Variants in COL20A1 observed in about 807,000 individuals in gnomAD.
The protein encoded by COL20A1 is collagen alpha-1(XX) chain.
A neutral mutation model predicts 152.9 loss-of-function variants in COL20A1; 164 were observed. That is an observed-to-expected ratio of 1.07 (90% CI 0.94 to 1.22). COL20A1 has a LOEUF of 1.22. Among genes scored for constraint, COL20A1 ranks in the 50% most tolerant of loss-of-function variants. COL20A1 has a pLI of 0.00. For synonymous variants in COL20A1, 864 were observed against 756.0 expected (o/e 1.14, Z -2.34); for missense variants, 1,873 against 1,744.8 (o/e 1.07, Z -1.31).
rs892010731 is a variant in COL20A1 at position 63,306,206 on chromosome 20, C to G, written c.496+167C>G. 1.8e-6 allele frequency: 1 copy of G among 553,516 alleles called. No homozygotes were observed. The highest frequency in any genetic ancestry group is 2.1e-5 in the African/African-American group (1 of 47,860). The allele number at this position is 553,516 out of a possible 1,614,324, so 34.3% of individuals were successfully genotyped here. On this transcript the variant is annotated intron_variant, in intron 5 of 35. Transcript: ENST00000358894. This position sits in a 1 kb window ranked among gnomAD's most constrained non-coding sequence, Gnocchi z 6.9. ...TGTCTGACCACACGGTCTCTGACCA[C>G]GAGGCCGGGAAGTTCTTCCTCGTGT...
rs1324416100 is a variant in COL20A1, at chr20:63,306,445, G to A, written c.496+406G>A. Among the ~76,000 whole-genome samples the A allele has an allele frequency of 2.0e-5, 3 of 152,246 alleles. No homozygotes were observed. The highest frequency in any genetic ancestry group is 4.8e-5 in the African/African-American group (2 of 41,466). ...CAGGTTCACTCAAGCCAGGCCACTG[G>A]GAGCAGGTGGTCCCACTACCTCTGA... On this transcript the variant is annotated intron_variant, in intron 5 of 35. Transcript: ENST00000358894. The surrounding 1 kb of genome is among the most constrained non-coding windows in gnomAD (Gnocchi z 6.9).
In COL20A1 at chr20:63,323,257, C is replaced by T. The variant is rs183534634; in HGVS notation, c.3294+1146C>T. Among the ~76,000 whole-genome samples the T allele has an allele frequency of 3.3e-4, 50 of 152,364 alleles. No homozygotes were observed. The East Asian group carries it at 7.7e-3, about 23-fold the overall frequency. Reference sequence around the variant, plus strand: ...CACGCTTTTTACTTGCTGGAACCAGCCCTGTGTCTGTGATGTGAGTTTTGA... The same window carrying T: ...CACGCTTTTTACTTGCTGGAACCAGTCCTGTGTCTGTGATGTGAGTTTTGA... On this transcript the variant is annotated intron_variant, in intron 27 of 35. Transcript: ENST00000358894.
chr20:63,309,672 C>T, intron 9 of COL20A1, 86 bp from the exon 10 acceptor site: 2 of 1,338,486 alleles, frequency 1.5e-6, no homozygotes, highest in South Asian at 1.5e-5. Flanking sequence ...GCTTTCCTGT[C>T]CCTCCTGTGA....
intron 27 of COL20A1, chr20:63,324,191 A>G (rs1183766420): frequency 6.6e-6 from 1 of 152,188 alleles, no homozygotes; most frequent in Non-Finnish European, 1.5e-5. Context: ...TGACTTTTGT[A>G]CCCAGTTTTC....
rs561092137 is a variant in COL20A1 at position 63,307,494 on chromosome 20, C to T, written c.501C>T (p.Gly167=). 2 of 1,610,650 alleles carry T rather than the reference C, an allele frequency of 1.2e-6. No individual in the cohort carries two copies. The highest frequency in any genetic ancestry group is 1.3e-5 in the African/African-American group (1 of 74,914). The change falls in exon 6 of 36, where the codon GGC becomes GGT. Residue 167 remains glycine (G), a synonymous_variant. Coordinates refer to ENST00000358894, the MANE Select transcript of COL20A1 (RefSeq NM_020882.4). The part of the protein sequence containing the change: ...TPSQDPRTPA[G]PQFRCLPPVP... ...GACCCGCTCCCACCGCCCCAGCCGG[C>T]CCCCAGTTCCGCTGCCTGCCCCCCG...
Position 63,312,798 on chromosome 20 carries a change from C to A in COL20A1, c.1940C>A (p.Ala647Asp), listed in dbSNP as rs867481332. 1 of 1,548,958 alleles carries A rather than the reference C, an allele frequency of 6.5e-7. No homozygotes were observed. The highest frequency in any genetic ancestry group is 8.8e-7 in the Non-Finnish European group (1 of 1,142,100). ...TLTGRVTTKK[A>D]PSPSQLSMTE... ...GTGTCTCCACTTCCTTCAGAGAAAGCTCCCAGCCCAAGCCAGCTGTCCATG... is the reference window on the plus strand; with the variant it reads ...GTGTCTCCACTTCCTTCAGAGAAAGATCCCAGCCCAAGCCAGCTGTCCATG... The change falls in exon 16 of 36, where the codon GCT (alanine) becomes GAT (aspartate). Residue 647 changes from alanine (A) to aspartate (D), a missense_variant. Coordinates refer to ENST00000358894, the MANE Select transcript of COL20A1 (RefSeq NM_020882.4).
At chr20:63,324,086 GTA>G (rs1351933182) in intron 27 of COL20A1, among the ~76,000 whole-genome samples, 4 of 152,130 alleles carry the variant, frequency 2.6e-5, no homozygotes, top group African/African-American at 9.7e-5. Flanking sequence ...TCATCCCTAC[GTA>G]TGTCCTCTTT....
In COL20A1 at chr20:63,300,917, C is replaced by T. The variant is rs560644830; in HGVS notation, c.193+2897C>T. ...CCATAGGCTACTTAGAAGTGTGTTT[C>T]TCAGTTTTAAAACATGGGGGATTTT... On this transcript the variant is annotated intron_variant, in intron 3 of 35. Coordinates refer to ENST00000358894, the MANE Select transcript of COL20A1 (RefSeq NM_020882.4). Among the ~76,000 whole-genome samples the T allele has an allele frequency of 3.3e-5, 5 of 152,308 alleles. No homozygotes were observed. In the South Asian group the frequency reaches 1.0e-3, roughly 32 times the overall value.
chr20:63,294,595 G>A (rs1183863266), intron 1 of COL20A1, among the ~76,000 whole-genome samples: 1 of 152,044 alleles, frequency 6.6e-6, no homozygotes. Context: ...ACTCCTACTA[G>A]GCAGCTCTCA....
Position 63,319,035 on chromosome 20 carries a change from T to C in COL20A1, c.2664-23T>C, listed in dbSNP as rs754583111. ...CTGCCCTTGGGTCTGCTCATGTGCC[T>C]CTCCCTCCCCCAACCCCCACAGTGA... is the stretch of plus-strand genomic sequence containing the variant. On this transcript the variant is annotated intron_variant, in intron 21 of 35. Transcript: ENST00000358894. This position sits in a 1 kb window ranked among gnomAD's most constrained non-coding sequence, Gnocchi z 4.4. 26 of 1,590,718 alleles carry C rather than the reference T, an allele frequency of 1.6e-5. No homozygotes were observed. The Admixed American group carries it at 4.0e-4, about 25-fold the overall frequency.
intron 6 of COL20A1, 26 bp from the exon 7 acceptor site, chr20:63,307,945 C>A: frequency 3.7e-6 from 6 of 1,610,008 alleles, no homozygotes; most frequent in Non-Finnish European, 5.1e-6. Flanking sequence ...GGAAACTCAG[C>A]CCGTGGCCAT....
Position 63,333,197 on chromosome 20 carries a change from G to C in COL20A1, c.*2481G>C, listed in dbSNP as rs775482087. The C allele has an allele frequency of 1.3e-5, 2 of 152,522 alleles. No individual in the cohort carries two copies. 9.4% of individuals were successfully genotyped at this position (152,522 alleles called of 1,614,324 possible). A position where few individuals can be genotyped will look rare whatever the true frequency, so the allele number is the denominator to read the frequency against. On this transcript the variant is annotated 3_prime_UTR_variant, in exon 36 of 36. Coordinates refer to ENST00000358894, the MANE Select transcript of COL20A1 (RefSeq NM_020882.4). ...AGAGGCAGCACAGCTTCAGCCCTACGCAGTGTGGGGGCTCCGGGAGGAAAT... is the reference window on the plus strand; with the variant it reads ...AGAGGCAGCACAGCTTCAGCCCTACCCAGTGTGGGGGCTCCGGGAGGAAAT...
At chr20:63,308,285 T>C (rs1054287756) in intron 7 of COL20A1, among the ~76,000 whole-genome samples, 195 bp downstream of exon 7, 3 of 152,208 alleles carry the variant, frequency 2.0e-5, no homozygotes, top group Non-Finnish European at 2.9e-5. Context: ...AGCGCGTGGC[T>C]CCTCTGTTCC....
Position 63,311,354 on chromosome 20 carries a change from T to C in COL20A1, c.1394-40T>C, listed in dbSNP as rs767757562. On this transcript the variant is annotated intron_variant, in intron 11 of 35. Coordinates refer to ENST00000358894, the MANE Select transcript of COL20A1 (RefSeq NM_020882.4). The surrounding 1 kb of genome is among the most constrained non-coding windows in gnomAD (Gnocchi z 4.4). ...GCCCCGTGCGTGGGTGTGATCTCTG[T>C]GTGGGCTCCTTCCTAAAGTGTCCCT... The C allele has an allele frequency of 9.1e-6, 14 of 1,540,288 alleles. No homozygotes were observed. Among genetic ancestry groups the C allele is most frequent in the Non-Finnish European group, 1.1e-5 (13 of 1,144,338 alleles).
intron 3 of COL20A1, among the ~76,000 whole-genome samples, chr20:63,301,853 C>CTTTGTCTTT (rs961439765): frequency 5.3e-5 from 8 of 152,200 alleles, no homozygotes; most frequent in African/African-American, 1.9e-4. Flanking sequence ...GTGTGACAGT[C>CTTTGTCTTT]TTTGTCTTTT....
In COL20A1 at chr20:63,325,424, C is replaced by T. The variant is rs1329076612; in HGVS notation, c.3295-17C>T. On this transcript the variant is annotated splice_polypyrimidine_tract_variant and intron_variant, in intron 27 of 35. Coordinates refer to ENST00000358894, the MANE Select transcript of COL20A1 (RefSeq NM_020882.4). ...TGCCCCCTCCGCTTCGCTGTCCAGC[C>T]CATCTTCCCCCTCCAGGGTCCACCA... 2 of 1,605,292 alleles carry T rather than the reference C, an allele frequency of 1.2e-6. No homozygotes were observed. Among genetic ancestry groups the T allele is most frequent in the Non-Finnish European group, 1.7e-6 (2 of 1,172,830 alleles).
chr20:63,299,204 C>G (rs1387745450), intron 3 of COL20A1, among the ~76,000 whole-genome samples: 1 of 152,124 alleles, frequency 6.6e-6, no homozygotes, highest in Admixed American at 6.5e-5. Context: ...TGTGAGGGAT[C>G]CCGCGTGTGT....
intron 2 of COL20A1, among the ~76,000 whole-genome samples, chr20:63,296,476 A>T (rs1393616160): frequency 2.6e-5 from 4 of 152,144 alleles, no homozygotes; most frequent in Non-Finnish European, 5.9e-5. Flanking sequence ...GACGGGTGGG[A>T]GCCCACACGC....
chr20:63,331,140 G>A lies in COL20A1; in HGVS notation c.*424G>A, dbSNP rs915010952. 2.0e-5 allele frequency: 3 copies of A among 152,334 alleles called. No individual in the cohort carries two copies. Among genetic ancestry groups the A allele is most frequent in the Non-Finnish European group, 4.4e-5 (3 of 68,146 alleles). 9.4% of individuals were successfully genotyped at this position (152,334 alleles called of 1,614,324 possible). On this transcript the variant is annotated 3_prime_UTR_variant, in exon 36 of 36. Coordinates refer to ENST00000358894, the MANE Select transcript of COL20A1 (RefSeq NM_020882.4). ...ACAACATGCCCCGCCCCTTTCTCTG[G>A]GCCTCATCTAAGCCTGGCCAGGGCC...
Sources: gnomAD v4.1 joint callset for allele counts (sites outside exome capture counted in the v4.1 genomes callset) on GRCh38, gnomAD v4.1.1 for gene constraint, Gnocchi (gnomAD v3.1) non-coding constraint, MANE v1.5 for transcripts, NCBI Gene and HGNC (gene_info 2026-07-23, HGNC 2026-07-21) for gene names.